CXCL13: variants seen among roughly 807,000 people sequenced by gnomAD.
CXCL13 encodes the protein C-X-C motif chemokine 13.
A neutral mutation model predicts 12.2 loss-of-function variants in CXCL13; 7 were observed. The observed-to-expected ratio is 0.57, with a 90% CI of 0.33 to 1.07. The LOEUF (loss-of-function observed/expected upper bound fraction) is 1.07. Among genes scored for constraint, CXCL13 ranks in the 50% least tolerant of loss-of-function variants. The pLI, the probability that CXCL13 is intolerant of heterozygous loss-of-function variation, is 0.04. For missense variants in CXCL13, 113 were observed against 127.4 expected (o/e 0.89, Z 0.55); for synonymous variants, 47 against 42.4 (o/e 1.11, Z -0.42).
intron 1 of CXCL13, among the ~76,000 whole-genome samples, chr4:77,581,902 G>T (rs191403645): frequency 6.6e-6 from 1 of 151,926 alleles, no homozygotes; most frequent in African/African-American, 2.4e-5. Flanking sequence ...CCTCCTACTC[G>T]TTGAACTGGT....
intron 1 of CXCL13, among the ~76,000 whole-genome samples, chr4:77,564,959 C>G (rs565741543): frequency 1.3e-5 from 2 of 152,146 alleles, no homozygotes; most frequent in African/African-American, 4.8e-5. Context: ...GGAGCCCACA[C>G]GGGGTTTTCC....
chr4:77,607,954 A>C (rs544901628), intron 2 of CXCL13, 119 bp downstream of exon 2: 1 of 1,021,444 alleles, frequency 9.8e-7, no homozygotes, highest in Non-Finnish European at 1.4e-6. Flanking sequence ...GTTGCTAAAA[A>C]TTCTCAAACT....
chr4:77,577,177 G>T (rs750869758), intron 1 of CXCL13, among the ~76,000 whole-genome samples: 13 of 152,130 alleles, frequency 8.5e-5, no homozygotes, highest in Non-Finnish European at 1.8e-4. Context: ...TGGGAGGTAA[G>T]AGCAAGGAAG....
At chr4:77,597,871 A>G (rs750549521) in intron 1 of CXCL13, among the ~76,000 whole-genome samples, 1 of 152,208 alleles carries the variant, frequency 6.6e-6, no homozygotes, top group Non-Finnish European at 1.5e-5. Flanking sequence ...AAATGAAAAG[A>G]CTAGGAGAGG....
chr4:77,592,716 C>T (rs1206831998), intron 1 of CXCL13, among the ~76,000 whole-genome samples: 1 of 152,164 alleles, frequency 6.6e-6, no homozygotes, highest in Non-Finnish European at 1.5e-5. Context: ...AGGAACCATG[C>T]CAAGATCATG....
chr4:77,558,333 C>A lies in CXCL13; in HGVS notation c.-43+46545C>A, dbSNP rs116640884. ...CTTTGAGCAAGGGGAGAGGGCTAAC[C>A]CTTACTAGGGAGGAGTGAACTACTT... On this transcript the variant is annotated intron_variant, in intron 1 of 4. Transcript: ENST00000286758. Among the ~76,000 whole-genome samples, 364 of 152,210 alleles carry A rather than the reference C, an allele frequency of 2.4e-3. 2 individuals are homozygous for A. Among genetic ancestry groups the A allele is most frequent in the African/African-American group, 8.4e-3 (348 of 41,530 alleles).
At chr4:77,515,007 T>C (rs1220173913) in intron 1 of CXCL13, among the ~76,000 whole-genome samples, 1 of 152,142 alleles carries the variant, frequency 6.6e-6, no homozygotes, top group Non-Finnish European at 1.5e-5. Context: ...AGGGATCCAG[T>C]TTCAGCTTTC....
At chr4:77,578,094 G>A (rs1174083240) in intron 1 of CXCL13, among the ~76,000 whole-genome samples, 1 of 152,122 alleles carries the variant, frequency 6.6e-6, no homozygotes, top group African/African-American at 2.4e-5. Flanking sequence ...CTGGCAAAAG[G>A]GTAAAAGTCC....
intron 1 of CXCL13, among the ~76,000 whole-genome samples, chr4:77,523,726 C>T (rs1172495832): frequency 6.6e-6 from 1 of 152,216 alleles, no homozygotes; most frequent in Admixed American, 6.5e-5. Flanking sequence ...TCATCAAAGT[C>T]ATTCTCTGTC....
intron 1 of CXCL13, among the ~76,000 whole-genome samples, chr4:77,544,004 T>G (rs1378653356): frequency 6.6e-6 from 1 of 152,160 alleles, no homozygotes; most frequent in Non-Finnish European, 1.5e-5. Context: ...GGTGTTTGGT[T>G]TTCTGTCCTT....
chr4:77,524,798 G>A (rs889421286), intron 1 of CXCL13, among the ~76,000 whole-genome samples: 4 of 152,168 alleles, frequency 2.6e-5, no homozygotes, highest in Non-Finnish European at 4.4e-5. Flanking sequence ...CCTGTCTTCT[G>A]CATTGATAGT....
At chr4:77,542,374 G>A (rs1443172850) in intron 1 of CXCL13, among the ~76,000 whole-genome samples, 2 of 151,998 alleles carry the variant, frequency 1.3e-5, no homozygotes, top group African/African-American at 4.8e-5. Flanking sequence ...TTATTTTGAG[G>A]TATATTCCTT....
chr4:77,528,915 T>G (rs1275943000), intron 1 of CXCL13, among the ~76,000 whole-genome samples: 8 of 152,252 alleles, frequency 5.3e-5, no homozygotes, highest in Non-Finnish European at 1.2e-4. Context: ...GTTTCAGGTC[T>G]AACATTTAAG....
At chr4:77,587,189 C>T (rs188602963) in intron 1 of CXCL13, among the ~76,000 whole-genome samples, 5 of 152,260 alleles carry the variant, frequency 3.3e-5, no homozygotes, top group African/African-American at 4.8e-5. Context: ...TCTTACTTGC[C>T]GAACCAGTCA....
chr4:77,535,410 G>A (rs376017949), intron 1 of CXCL13, among the ~76,000 whole-genome samples: 4 of 151,966 alleles, frequency 2.6e-5, no homozygotes, highest in East Asian at 1.9e-4. Context: ...TCAATCTTGC[G>A]ACCCATTGTA....
At chr4:77,581,395 G>A (rs1332475073) in intron 1 of CXCL13, among the ~76,000 whole-genome samples, 1 of 152,144 alleles carries the variant, frequency 6.6e-6, no homozygotes, top group East Asian at 1.9e-4. Context: ...AGTTGTCAAA[G>A]TTTAAAAATA....
At chr4:77,528,191 T>C (rs1028845927) in intron 1 of CXCL13, among the ~76,000 whole-genome samples, 20 of 152,230 alleles carry the variant, frequency 1.3e-4, no homozygotes, top group African/African-American at 4.8e-4. Flanking sequence ...GTTGGACATT[T>C]GGTTTGTTCC....
intron 1 of CXCL13, among the ~76,000 whole-genome samples, chr4:77,577,710 C>T (rs922972330): frequency 6.6e-6 from 1 of 152,174 alleles, no homozygotes; most frequent in Admixed American, 6.5e-5. Context: ...GTAATGGTCA[C>T]TGGGACTCAG....
chr4:77,611,462 G>C lies in CXCL13; in HGVS notation c.*423G>C. The C allele has an allele frequency of 5.1e-6, 2 of 390,616 alleles. No homozygotes were observed. Among genetic ancestry groups the C allele is most frequent in the Non-Finnish European group, 9.0e-6 (2 of 221,914 alleles). The allele number at this position is 390,616 out of a possible 1,614,324, so 24.2% of individuals were successfully genotyped here. A position where few individuals can be genotyped will look rare whatever the true frequency, so the allele number is the denominator to read the frequency against. ...GCTTCTATGAAAGACTCAAAAAGCT[G>C]CCTGGGAGGCAGATGGAACTTGAGC... On this transcript the variant is annotated 3_prime_UTR_variant, in exon 4 of 4. Transcript: ENST00000682537.
Sources: gnomAD v4.1 joint callset for allele counts (sites outside exome capture counted in the v4.1 genomes callset) on GRCh38, gnomAD v4.1.1 for gene constraint, MANE v1.5 for transcripts, NCBI Gene and HGNC (gene_info 2026-07-23, HGNC 2026-07-21) for gene names.